The following FAM110C variants were observed in gnomAD, a reference collection of about 807,000 sequenced individuals.
FAM110C encodes family with sequence similarity 110 member C.
A neutral mutation model predicts 15.7 loss-of-function variants in FAM110C; 19 were observed. The observed-to-expected ratio is 1.21, with a 90% CI of 0.85 to 1.78. FAM110C has a LOEUF of 1.78. Among genes scored for constraint, FAM110C ranks in the 40% most tolerant of loss-of-function variants. The pLI, the probability that FAM110C is intolerant of heterozygous loss-of-function variation, is 0.00. For missense variants in FAM110C, 547 were observed against 495.7 expected, an observed-to-expected ratio of 1.10 and a Z score of -0.98; for synonymous variants, 275 against 233.9, an observed-to-expected ratio of 1.18 and a Z score of -1.61.
chr2:43,332 A>G (rs867643240), intron 1 of FAM110C: 10 of 985,268 alleles, frequency 1.0e-5, no homozygotes, highest in Admixed American at 6.1e-5. Context: ...CTCAGAAGAC[A>G]GTTGCCATTG....
At chr2:45,309 T>G (rs1664244060) in intron 1 of FAM110C, 131 bp downstream of exon 1, 1 of 1,436,644 alleles carries the variant, frequency 7.0e-7, no homozygotes, top group Non-Finnish European at 9.1e-7. Context: ...TTGGGTCCCT[T>G]TCACACTGTA....
At chr2:41,997 A>T in intron 1 of FAM110C, 1 of 985,448 alleles carries the variant, frequency 1.0e-6, no homozygotes, top group Non-Finnish European at 1.2e-6. Flanking sequence ...AGGCAGTTGA[A>T]CTAAATATCT....
intron 1 of FAM110C, chr2:44,403 G>C (rs1268250720): frequency 1.0e-5 from 10 of 985,114 alleles, no homozygotes; most frequent in South Asian, 4.7e-5. Flanking sequence ...ACATCTCTTG[G>C]GCAGCCTCCC....
intron 1 of FAM110C, chr2:42,988 C>A (rs1426716984): frequency 1.0e-6 from 1 of 985,348 alleles, no homozygotes; most frequent in African/African-American, 1.7e-5. Context: ...ACCAGGTGTT[C>A]ACACTCTGTC....
In FAM110C at chr2:45,533, A is replaced by G; in HGVS notation, c.853T>C (p.Ser285Pro). The G allele has an allele frequency of 6.2e-7, 1 of 1,614,078 alleles. No homozygotes were observed. The highest frequency in any genetic ancestry group is 1.1e-5 in the South Asian group (1 of 91,078). ...ATGCGGGCGTTCCTCTCGATGACCGAAGTGGTGCTGGGCACCTGCTCTATC... is the reference window on the plus strand; with the variant it reads ...ATGCGGGCGTTCCTCTCGATGACCGGAGTGGTGCTGGGCACCTGCTCTATC... Reference protein sequence around the residue: ...ELIEQVPSTTSVIERNARIIK... With the variant: ...ELIEQVPSTTPVIERNARIIK... The change falls in exon 1 of 2, where the codon TCG (serine) becomes CCG (proline). Residue 285 changes from serine to proline, a missense_variant. Transcript: ENST00000327669.
At position 46,448 on chromosome 2, in the gene FAM110C, C is replaced by T. The variant is rs999032833; in HGVS notation, c.-63G>A. On this transcript the variant is annotated 5_prime_UTR_variant, in exon 1 of 2. Coordinates refer to ENST00000327669, the MANE Select transcript of FAM110C (RefSeq NM_001077710.3). ...GCGGAGACGCGCTCGAGTGGTAGAG[C>T]CAGTCAGTCCCAGGGCCGGTTCCGA... 3 of 1,196,022 alleles carry T rather than the reference C, an allele frequency of 2.5e-6. No individual in the cohort carries two copies. Among genetic ancestry groups the T allele is most frequent in the Non-Finnish European group, 3.2e-6 (3 of 945,228 alleles). 74.1% of individuals were successfully genotyped at this position (1,196,022 alleles called of 1,614,324 possible).
In FAM110C at chr2:46,299, C is replaced by T; in HGVS notation, c.87G>A (p.Ala29=). The change falls in exon 1 of 2, where the codon GCG becomes GCA. Residue 29 remains alanine, a synonymous_variant. Coordinates refer to ENST00000327669, the MANE Select transcript of FAM110C (RefSeq NM_001077710.3). ...DPAATRDPDA[A]RPARRSAVER... is the part of the protein sequence containing the mutation. ...CCACTGCGCTCCTGCGCGCCGGCCG[C>T]GCGGCGTCGGGGTCCCGGGTAGCCG... 2 of 1,339,956 alleles carry T rather than the reference C, an allele frequency of 1.5e-6. No individual in the cohort carries two copies. Among genetic ancestry groups the T allele is most frequent in the South Asian group, 1.9e-5 (1 of 51,354 alleles). 83.0% of individuals were successfully genotyped at this position (1,339,956 alleles called of 1,614,324 possible).
Position 46,167 on chromosome 2 carries a change from G to A in FAM110C, c.219C>T (p.Asn73=). Residue 73 remains asparagine, a synonymous_variant, in exon 1 of 2, where the codon AAC becomes AAT. Transcript: ENST00000327669. The part of the protein sequence containing the change: ...SGPGAIKCPG[N]DPGPPARAPA... ...GGGCGCGGGCCGGGGGCCCAGGGTC[G>A]TTCCCCGGGCACTTGATCGCCCCCG... The A allele has an allele frequency of 3.6e-6, 5 of 1,403,870 alleles. No individual in the cohort carries two copies. The highest frequency in any genetic ancestry group is 3.3e-5 in the Admixed American group (1 of 30,366). 87.0% of individuals were successfully genotyped at this position (1,403,870 alleles called of 1,614,324 possible).
In FAM110C at chr2:45,912, G is replaced by A. The variant is rs1252425741; in HGVS notation, c.474C>T (p.Pro158=). The part of the protein sequence containing the change: ...NPETVPTTPG[P]AADPAIPETP... ...TCTCGGGGATTGCGGGGTCCGCCGC[G>A]GGGCCAGGAGTGGTCGGGACCGTCT... Residue 158 remains proline, a synonymous_variant, in exon 1 of 2, where the codon CCC becomes CCT. Coordinates refer to ENST00000327669, the MANE Select transcript of FAM110C (RefSeq NM_001077710.3). 2 of 1,418,016 alleles carry A rather than the reference G, an allele frequency of 1.4e-6. No homozygotes were observed. Among genetic ancestry groups the A allele is most frequent in the East Asian group, 2.8e-5 (1 of 35,940 alleles). The allele number at this position is 1,418,016 out of a possible 1,614,324, so 87.8% of individuals were successfully genotyped here.
intron 1 of FAM110C, chr2:41,915 A>G (rs1195385927): frequency 2.0e-6 from 2 of 985,312 alleles, no homozygotes; most frequent in Non-Finnish European, 2.4e-6. Flanking sequence ...GGCAGTAAAG[A>G]AAATTTCTTT....
At position 41,719 on chromosome 2, in the gene FAM110C, T is replaced by C. The variant is rs1010238300; in HGVS notation, c.947-92A>G. 2.0e-6 allele frequency: 3 copies of C among 1,473,628 alleles called. No individual in the cohort carries two copies. The African/African-American group carries it at 4.3e-5, about 21-fold the overall frequency. 91.3% of individuals were successfully genotyped at this position (1,473,628 alleles called of 1,614,324 possible). On this transcript the variant is annotated intron_variant, in intron 1 of 1. Coordinates refer to ENST00000327669, the MANE Select transcript of FAM110C (RefSeq NM_001077710.3). ...AAACATTATACTGGTCTGGTCCCTG[T>C]AGTTTTTGTTTTCTGACATTCTCTG...
intron 1 of FAM110C, chr2:44,772 C>A (rs1448010366): frequency 1.0e-6 from 1 of 985,316 alleles, no homozygotes; most frequent in Non-Finnish European, 1.2e-6. Flanking sequence ...ACTCTAGTTA[C>A]AATCTAGTCC....
In FAM110C at chr2:45,747, G is replaced by C. The variant is rs1222722565; in HGVS notation, c.639C>G (p.Ala213=). The C allele has an allele frequency of 1.3e-6, 2 of 1,591,758 alleles. No individual in the cohort carries two copies. Among genetic ancestry groups the C allele is most frequent in the Admixed American group, 1.8e-5 (1 of 57,010 alleles). Residue 213 remains alanine (A), a synonymous_variant, in exon 1 of 2, where the codon GCC becomes GCG. Transcript: ENST00000327669. Reference sequence around the variant, plus strand: ...AGTACTGGAAGAAGGTGTCAGACTCGGCCAAGGCAGCGGAATAGCGGGAGC... The same window carrying C: ...AGTACTGGAAGAAGGTGTCAGACTCCGCCAAGGCAGCGGAATAGCGGGAGC... ...DLSSRYSAAL[A]ESDTFFQYCG...
intron 1 of FAM110C, chr2:44,192 A>G (rs1246930829): frequency 1.0e-6 from 1 of 985,302 alleles, no homozygotes; most frequent in Non-Finnish European, 1.2e-6. Context: ...TTGCCTATAT[A>G]TATTTGTTGG....
In FAM110C at chr2:46,306, T is replaced by TCGGGGTCCCGGGTAGCCG. The variant is rs916232930; in HGVS notation, c.62_79dup (p.Ala21_Pro26dup). Reference sequence around the variant, plus strand: ...GCTCCTGCGCGCCGGCCGCGCGGCGTCGGGGTCCCGGGTAGCCGCGGGGTC... The same window carrying TCGGGGTCCCGGGTAGCCG: ...GCTCCTGCGCGCCGGCCGCGCGGCGTCGGGGTCCCGGGTAGCCGCGGGGTCCCGGGTAGCCGCGGGGTC... On this transcript the variant is annotated inframe_insertion, in exon 1 of 2. Transcript: ENST00000327669. The TCGGGGTCCCGGGTAGCCG allele has an allele frequency of 1.6e-5, 21 of 1,329,766 alleles. No individual in the cohort carries two copies. The highest frequency in any genetic ancestry group is 2.0e-5 in the South Asian group (1 of 48,840). The allele number at this position is 1,329,766 out of a possible 1,614,324, so 82.4% of individuals were successfully genotyped here.
In FAM110C at chr2:45,898, G is replaced by T; in HGVS notation, c.488C>A (p.Ala163Glu). 1 of 1,417,796 alleles carries T rather than the reference G, an allele frequency of 7.1e-7. No homozygotes were observed. Among genetic ancestry groups the T allele is most frequent in the East Asian group, 2.8e-5 (1 of 35,936 alleles). 87.8% of individuals were successfully genotyped at this position (1,417,796 alleles called of 1,614,324 possible). A position where few individuals can be genotyped will look rare whatever the true frequency, so the allele number is the denominator to read the frequency against. The change falls in exon 1 of 2, where the codon GCA becomes GAA. Residue 163 changes from alanine to glutamate, a missense_variant. Transcript: ENST00000327669. ...PTTPGPAADP[A>E]IPETPAPAAR... ...GGCTGGGGCTGGGGTCTCGGGGATTGCGGGGTCCGCCGCGGGGCCAGGAGT... is the reference window on the plus strand; with the variant it reads ...GGCTGGGGCTGGGGTCTCGGGGATTTCGGGGTCCGCCGCGGGGCCAGGAGT...
rs1181398102 is a variant in FAM110C, at chr2:39,238, G to C, written c.*2370C>G. On this transcript the variant is annotated 3_prime_UTR_variant, in exon 2 of 2. Transcript: ENST00000327669. ...GCAAATTGCGGTAATTCAGGTTTAG[G>C]CAAGAAGTTCTTTAGTTTTACTTTT... The C allele has an allele frequency of 6.6e-6, 1 of 152,152 alleles. No individual in the cohort carries two copies. The highest frequency in any genetic ancestry group is 1.5e-5 in the Non-Finnish European group (1 of 68,040). The allele number at this position is 152,152 out of a possible 1,614,324, so 9.4% of individuals were successfully genotyped here.
intron 1 of FAM110C, 54 bp from the exon 2 acceptor site, chr2:41,681 T>A: frequency 6.2e-7 from 1 of 1,610,544 alleles, no homozygotes; most frequent in Non-Finnish European, 8.5e-7. Context: ...CAAAAGTTAG[T>A]ATAATGAAAA....
At chr2:44,507 A>C (rs970728024) in intron 1 of FAM110C, 1 of 985,274 alleles carries the variant, frequency 1.0e-6, no homozygotes, top group African/African-American at 1.7e-5. Context: ...ACTTATAGCA[A>C]GTTGTCATTG....
Sources: allele counts gnomAD v4.1 joint callset, GRCh38; gene constraint gnomAD v4.1.1; transcripts MANE v1.5; gene names NCBI Gene and HGNC (gene_info 2026-07-23, HGNC 2026-07-21).